UBE2H: variants seen among roughly 807,000 people sequenced by gnomAD.
UBE2H encodes the protein ubiquitin conjugating enzyme E2 H, also known as ubiquitin-conjugating enzyme E2 H.
UBE2H carries 3 observed loss-of-function variants against 29.0 expected under a neutral mutation model. The observed-to-expected ratio is 0.10, with a 90% CI of 0.05 to 0.27. The LOEUF (loss-of-function observed/expected upper bound fraction) is 0.27. Ranked by LOEUF, UBE2H falls within the 10% of genes least tolerant of loss-of-function variation. The pLI is 1.00. For missense variants in UBE2H, 68 were observed against 228.2 expected (o/e 0.30, Z 4.52); for synonymous variants, 69 against 82.9 (o/e 0.83, Z 0.91).
chr7:129,857,726 T>G (rs1805731248), intron 4 of UBE2H, among the ~76,000 whole-genome samples, 163 bp from the exon 5 acceptor site: 1 of 152,120 alleles, frequency 6.6e-6, no homozygotes, highest in Non-Finnish European at 1.5e-5. Flanking sequence ...TAGTACCAGG[T>G]CTTGAAGTGT....
At chr7:129,931,663 T>A (rs1310017647) in intron 1 of UBE2H, among the ~76,000 whole-genome samples, 2 of 152,158 alleles carry the variant, frequency 1.3e-5, no homozygotes, top group Non-Finnish European at 2.9e-5. Context: ...GTTTTGAATG[T>A]AATTGGAAAA....
In UBE2H at chr7:129,919,050, C is replaced by T. The variant is rs571004797; in HGVS notation, c.53+33453G>A. ...AGTGAGCTATGATTGTGTCACTGCACTCAAGCCTGGGTAACTGAGCAAGAC... is the reference window on the plus strand; with the variant it reads ...AGTGAGCTATGATTGTGTCACTGCATTCAAGCCTGGGTAACTGAGCAAGAC... On this transcript the variant is annotated intron_variant, in intron 1 of 6. Transcript: ENST00000355621. Among the ~76,000 whole-genome samples, 5 of 141,696 alleles carry T rather than the reference C, an allele frequency of 3.5e-5. No individual in the cohort carries two copies. The East Asian group carries it at 1.0e-3, about 30-fold the overall frequency. The allele number at this position is 141,696 out of a possible 152,430, so 93.0% of individuals were successfully genotyped here.
At chr7:129,882,623 C>T (rs1806277274) in intron 1 of UBE2H, among the ~76,000 whole-genome samples, 1 of 152,148 alleles carries the variant, frequency 6.6e-6, no homozygotes, top group Non-Finnish European at 1.5e-5. Flanking sequence ...ACCTTAGAAA[C>T]ATGCACACTA....
Position 129,839,645 on chromosome 7 carries a change from C to T in UBE2H, c.299-310G>A, listed in dbSNP as rs2631607. On this transcript the variant is annotated intron_variant, in intron 5 of 6. Transcript: ENST00000355621. Reference sequence around the variant, plus strand: ...CCATTTTCTACAGCTTACAAAACCCCCCACTCTGAAAGGTATTCAGATGCT... The same window carrying T: ...CCATTTTCTACAGCTTACAAAACCCTCCACTCTGAAAGGTATTCAGATGCT... 1.4e-3 allele frequency: 407 copies of T among 296,842 alleles called. 1 individual carries two copies. The highest frequency in any genetic ancestry group is 2.0e-3 in the Non-Finnish European group (317 of 157,364). 18.4% of individuals were successfully genotyped at this position (296,842 alleles called of 1,614,324 possible).
In UBE2H at chr7:129,888,444, G is replaced by T. The variant is rs182692095; in HGVS notation, c.54-7473C>A. ...AGGTGGGAGGATTGTTTTGAGCCCA[G>T]GAGTTTGAGACCAGCCTGGGCAACA... On this transcript the variant is annotated intron_variant, in intron 1 of 6. Coordinates refer to ENST00000355621, the MANE Select transcript of UBE2H (RefSeq NM_003344.4). Among the ~76,000 whole-genome samples, 269 of 152,110 alleles carry T rather than the reference G, an allele frequency of 1.8e-3. 7 individuals are homozygous for T. Among genetic ancestry groups the T allele is most frequent in the Admixed American group, 0.016 (240 of 15,288 alleles).
At chr7:129,926,432 C>A (rs1244676811) in intron 1 of UBE2H, among the ~76,000 whole-genome samples, 1 of 151,750 alleles carries the variant, frequency 6.6e-6, no homozygotes, top group East Asian at 1.9e-4. Flanking sequence ...TCGCTTGAAC[C>A]CAGGAGGCAG....
rs1488831958 is a variant in UBE2H, at chr7:129,833,262, G to C, written c.*1675C>G. Reference sequence around the variant, plus strand: ...TTGTGCTTTTTGAATAAAAAAGATAGGGTATCTTCCAACCTCACTGACTTA... The same window carrying C: ...TTGTGCTTTTTGAATAAAAAAGATACGGTATCTTCCAACCTCACTGACTTA... On this transcript the variant is annotated 3_prime_UTR_variant, in exon 7 of 7. Transcript: ENST00000355621. The C allele has an allele frequency of 6.6e-6, 1 of 152,528 alleles. No individual in the cohort carries two copies. Among genetic ancestry groups the C allele is most frequent in the Non-Finnish European group, 1.5e-5 (1 of 68,022 alleles). The allele number at this position is 152,528 out of a possible 1,614,324, so 9.4% of individuals were successfully genotyped here. A position where few individuals can be genotyped will look rare whatever the true frequency, so the allele number is the denominator to read the frequency against.
chr7:129,850,331 C>T (rs1805586391), intron 5 of UBE2H, among the ~76,000 whole-genome samples: 1 of 151,940 alleles, frequency 6.6e-6, no homozygotes, highest in African/African-American at 2.4e-5. Flanking sequence ...GCACTCCAGC[C>T]TGGGTGACAG....
At chr7:129,893,059 A>C (rs1806529136) in intron 1 of UBE2H, among the ~76,000 whole-genome samples, 1 of 152,240 alleles carries the variant, frequency 6.6e-6, no homozygotes, top group African/African-American at 2.4e-5. Context: ...TGGTACCCTG[A>C]ATATTTAAAG....
rs1356857714 is a variant in UBE2H at position 129,911,414 on chromosome 7, G to A, written c.54-30443C>T. 3.3e-5 allele frequency among the ~76,000 whole-genome samples: 5 copies of A among 152,046 alleles called. No homozygotes were observed. In the East Asian group the frequency reaches 9.7e-4, roughly 29 times the overall value. On this transcript the variant is annotated intron_variant, in intron 1 of 6. Transcript: ENST00000355621. ...ATGAGGACAGAACAAACAGGATGAG[G>A]GAGGTTGTTAAGACACACAGGTTTC...
intron 1 of UBE2H, among the ~76,000 whole-genome samples, chr7:129,950,440 C>T (rs904707441): frequency 2.6e-5 from 4 of 151,890 alleles, no homozygotes; most frequent in Admixed American, 2.6e-4. Context: ...TTTTCCTCTC[C>T]CTCTCCACCC....
At chr7:129,842,515 A>G (rs1805446016) in intron 5 of UBE2H, among the ~76,000 whole-genome samples, 2 of 152,236 alleles carry the variant, frequency 1.3e-5, no homozygotes, top group Non-Finnish European at 2.9e-5. Flanking sequence ...CCAATAAAAC[A>G]TGAAAAGTCT....
chr7:129,903,492 G>C (rs1371262088), intron 1 of UBE2H, among the ~76,000 whole-genome samples: 3 of 152,324 alleles, frequency 2.0e-5, no homozygotes, highest in Non-Finnish European at 2.9e-5. Flanking sequence ...GCCAGGCATA[G>C]TGGCTCATGC....
chr7:129,919,270 G>A (rs554863391), intron 1 of UBE2H, among the ~76,000 whole-genome samples: 2 of 152,178 alleles, frequency 1.3e-5, no homozygotes, highest in South Asian at 4.1e-4. Context: ...AAGCTAATGC[G>A]TTTGAAACTG....
At chr7:129,842,247 A>G (rs1017047716) in intron 5 of UBE2H, among the ~76,000 whole-genome samples, 1 of 152,222 alleles carries the variant, frequency 6.6e-6, no homozygotes, top group African/African-American at 2.4e-5. Flanking sequence ...CCTGGCCAAC[A>G]TGGCAAAACC....
chr7:129,868,504 C>T (rs926520551), intron 3 of UBE2H, among the ~76,000 whole-genome samples: 2 of 146,534 alleles, frequency 1.4e-5, no homozygotes, highest in African/African-American at 5.0e-5. Flanking sequence ...GGCGTGAACC[C>T]GGGAAGCGGA....
chr7:129,893,771 C>T (rs1202411218), intron 1 of UBE2H, among the ~76,000 whole-genome samples: 1 of 152,164 alleles, frequency 6.6e-6, no homozygotes, highest in African/African-American at 2.4e-5. Flanking sequence ...CTGAAAATTA[C>T]AAATTTACAT....
At chr7:129,919,872 C>T (rs1807121965) in intron 1 of UBE2H, among the ~76,000 whole-genome samples, 2 of 152,188 alleles carry the variant, frequency 1.3e-5, no homozygotes, top group African/African-American at 4.8e-5. Flanking sequence ...ATTTCACATC[C>T]ATCAGATAGG....
chr7:129,871,187 C>T (rs1284639630), intron 3 of UBE2H, among the ~76,000 whole-genome samples: 3 of 152,178 alleles, frequency 2.0e-5, no homozygotes, highest in Non-Finnish European at 2.9e-5. Context: ...CCCAGAATAA[C>T]GCCCAGCTCG....
Sources: allele counts gnomAD v4.1 joint callset (sites outside exome capture counted in the v4.1 genomes callset), GRCh38; gene constraint gnomAD v4.1.1; transcripts MANE v1.5; gene names NCBI Gene and HGNC (gene_info 2026-07-23, HGNC 2026-07-21).